Variants in TLL1 observed in about 807,000 individuals in gnomAD.
TLL1 encodes the protein tolloid like 1.
TLL1 carries 49 observed loss-of-function variants against 128.2 expected under a neutral mutation model. The ratio of observed to expected loss-of-function variants is 0.38; its 90% CI spans 0.30 to 0.48. TLL1 has a LOEUF of 0.48. TLL1 is among the 20% of genes least tolerant of loss of function. The pLI is 0.96. For synonymous variants in TLL1, 454 were observed against 418.8 expected (o/e 1.08, Z -1.03); for missense variants, 1,123 against 1,242.0 (o/e 0.90, Z 1.44).
chr4:165,938,144 G>A (rs1333233859), intron 1 of TLL1, among the ~76,000 whole-genome samples: 6 of 151,922 alleles, frequency 3.9e-5, no homozygotes, highest in African/African-American at 1.4e-4. Flanking sequence ...TAGTTTTAGT[G>A]TTTGTTTGGT....
chr4:166,096,210 GGTGTGTGTGTGTGT>G lies in TLL1; in HGVS notation c.2657-3046_2657-3033del, dbSNP rs60978680. 5.2e-4 allele frequency among the ~76,000 whole-genome samples: 75 copies of G among 145,556 alleles called. 2 individuals carry two copies. In the South Asian group the frequency reaches 0.013, roughly 26 times the overall value. On this transcript the variant is annotated intron_variant, in intron 19 of 20. Transcript: ENST00000061240. ...ATCCTGTGGACTGAATTCTGTCATG[GGTGTGTGTGTGTGT>G]GTGTGTGTGTGTGTGTGTGTCACGG...
At chr4:166,016,869 C>A (rs774005405) in intron 8 of TLL1, among the ~76,000 whole-genome samples, 3 of 151,640 alleles carry the variant, frequency 2.0e-5, no homozygotes, top group Non-Finnish European at 4.4e-5. Context: ...GTATATATAT[C>A]TTTTAGTGTT....
chr4:166,065,700 T>C lies in TLL1; in HGVS notation c.2025T>C (p.Tyr675=). Residue 675 remains tyrosine, a synonymous_variant, in exon 16 of 21, where the codon TAT becomes TAC. Transcript: ENST00000061240. ...TTTTCTAGGTTTGCAAATATGATTA[T>C]GTGGAGATCTGGAGTGGTCTTTCCT... is the stretch of plus-strand genomic sequence containing the variant. ...LEGNEVCKYD[Y]VEIWSGLSSE... 6.2e-7 allele frequency: 1 copy of C among 1,613,050 alleles called. No homozygotes were observed. The highest frequency in any genetic ancestry group is 8.5e-7 in the Non-Finnish European group (1 of 1,179,280).
intron 1 of TLL1, among the ~76,000 whole-genome samples, chr4:165,958,327 A>G (rs1282277396): frequency 1.6e-5 from 2 of 122,236 alleles, no homozygotes; most frequent in Non-Finnish European, 3.4e-5. Flanking sequence ...AGTCCCACCA[A>G]CAGTGTAAAA....
intron 9 of TLL1, 38 bp downstream of exon 9, chr4:166,025,469 A>G (rs774723301): frequency 2.1e-6 from 3 of 1,454,290 alleles, no homozygotes; most frequent in East Asian, 2.3e-5. Flanking sequence ...TTATTCTTAT[A>G]TAAGTACAAA....
At chr4:165,943,198 C>A (rs1734097553) in intron 1 of TLL1, among the ~76,000 whole-genome samples, 1 of 151,976 alleles carries the variant, frequency 6.6e-6, no homozygotes, top group Non-Finnish European at 1.5e-5. Context: ...TTCTTCCTTG[C>A]AGTCTAATTA....
chr4:165,992,742 T>C, intron 2 of TLL1, 62 bp from the exon 3 acceptor site: 4 of 1,484,062 alleles, frequency 2.7e-6, no homozygotes, highest in South Asian at 2.3e-5. Flanking sequence ...CCTATGACTG[T>C]TTTTTATTTG....
intron 1 of TLL1, among the ~76,000 whole-genome samples, chr4:165,975,866 C>T (rs539015296): frequency 2.6e-5 from 4 of 151,620 alleles, no homozygotes; most frequent in African/African-American, 7.3e-5. Context: ...GCTGAAACCC[C>T]GTCTCTACTA....
At chr4:166,021,678 G>A (rs904891160) in intron 8 of TLL1, among the ~76,000 whole-genome samples, 4 of 152,012 alleles carry the variant, frequency 2.6e-5, no homozygotes, top group Non-Finnish European at 5.9e-5. Flanking sequence ...TGATCCACCC[G>A]CCTCGGCCTC....
chr4:165,992,853 A>C lies in TLL1; in HGVS notation c.330A>C (p.Gln110His), dbSNP rs138967219. 152 of 1,613,344 alleles carry C rather than the reference A, an allele frequency of 9.4e-5. No individual in the cohort carries two copies. The African/African-American group carries it at 1.6e-3, about 17-fold the overall frequency. ...CAAAGAAGCGAGGGGCCCTCTACCA[A>C]CTTATAGACAGGATAAGAAGAATTG... ...AMSKKRGALYQLIDRIRRIGF... is the reference protein window; with the variant it reads ...AMSKKRGALYHLIDRIRRIGF... Residue 110 changes from glutamine (Q) to histidine (H), a missense_variant, in exon 3 of 21, where the codon CAA becomes CAC. Transcript: ENST00000061240.
intron 9 of TLL1, among the ~76,000 whole-genome samples, chr4:166,027,213 G>C (rs1165425380): frequency 6.6e-6 from 1 of 152,030 alleles, no homozygotes; most frequent in Non-Finnish European, 1.5e-5. Flanking sequence ...ACAAACATGG[G>C]AGTAATAGAC....
intron 1 of TLL1, among the ~76,000 whole-genome samples, chr4:165,965,517 T>A (rs1419017944): frequency 6.6e-6 from 1 of 152,220 alleles, no homozygotes; most frequent in Admixed American, 6.5e-5. Flanking sequence ...TTAATAAGCT[T>A]ACTTATCAGC....
chr4:166,062,364 T>C (rs1211834298), intron 15 of TLL1, among the ~76,000 whole-genome samples: 4 of 152,308 alleles, frequency 2.6e-5, no homozygotes, highest in African/African-American at 9.6e-5. Context: ...GGAATGTTCT[T>C]CCATTTGTTT....
chr4:165,993,031 A>G lies in TLL1; in HGVS notation c.361+147A>G, dbSNP rs147669973. On this transcript the variant is annotated intron_variant, in intron 3 of 20. Transcript: ENST00000061240. The stretch of plus-strand genomic sequence containing the variant: ...CTAAAACTTTTTATTTTGCTAGCTC[A>G]TATCTGATCAAAGCCTTTTAGAACT... 550 of 675,918 alleles carry G rather than the reference A, an allele frequency of 8.1e-4. 6 individuals carry two copies. The East Asian group carries it at 0.014, about 17-fold the overall frequency. 41.9% of individuals were successfully genotyped at this position (675,918 alleles called of 1,614,324 possible).
At chr4:165,975,445 C>T (rs1432897672) in intron 1 of TLL1, among the ~76,000 whole-genome samples, 5 of 151,940 alleles carry the variant, frequency 3.3e-5, no homozygotes, top group African/African-American at 1.2e-4. Flanking sequence ...TGCCTAGATA[C>T]ATTTACAAAC....
At chr4:166,004,543 A>G (rs1484836361) in intron 6 of TLL1, among the ~76,000 whole-genome samples, 1 of 152,112 alleles carries the variant, frequency 6.6e-6, no homozygotes, top group African/African-American at 2.4e-5. Flanking sequence ...ATATGTTGAA[A>G]ATACCATAGA....
intron 12 of TLL1, chr4:166,044,565 A>C: frequency 1.3e-6 from 1 of 792,812 alleles, no homozygotes. Context: ...TTTATGCTCC[A>C]GACCATTTTT....
At chr4:165,910,140 T>A (rs2110869941) in intron 1 of TLL1, among the ~76,000 whole-genome samples, 1 of 152,252 alleles carries the variant, frequency 6.6e-6, no homozygotes, top group Non-Finnish European at 1.5e-5. Flanking sequence ...CCTGGCTGTT[T>A]CACTTTCGGA....
chr4:165,989,286 G>A lies in TLL1; in HGVS notation c.170-95G>A, dbSNP rs74509431. Reference sequence around the variant, plus strand: ...AAAGATCTGTCTCTATCCAGACCACGTTTCCATATTTTTAACAATGCTTTT... The same window carrying A: ...AAAGATCTGTCTCTATCCAGACCACATTTCCATATTTTTAACAATGCTTTT... On this transcript the variant is annotated intron_variant, in intron 1 of 20. Coordinates refer to ENST00000061240, the MANE Select transcript of TLL1 (RefSeq NM_012464.5). The A allele has an allele frequency of 4.1e-3, 3,807 of 922,104 alleles. 78 individuals are homozygous for A. The highest frequency in any genetic ancestry group is 0.039 in the East Asian group (1,506 of 38,706). The allele number at this position is 922,104 out of a possible 1,614,324, so 57.1% of individuals were successfully genotyped here.
Sources: allele counts gnomAD v4.1 joint callset (sites outside exome capture counted in the v4.1 genomes callset), GRCh38; gene constraint gnomAD v4.1.1; transcripts MANE v1.5; gene names NCBI Gene and HGNC (gene_info 2026-07-23, HGNC 2026-07-21).